CRB1: variants seen among roughly 807,000 people sequenced by gnomAD.
The protein encoded by CRB1 is crumbs cell polarity complex component 1.
A neutral mutation model predicts 120.0 loss-of-function variants in CRB1; 83 were observed. That is an observed-to-expected ratio of 0.69 (90% CI 0.58 to 0.83). The LOEUF is 0.83. Ranked by LOEUF, CRB1 falls within the 40% of genes least tolerant of loss-of-function variation. CRB1 has a pLI of 0.00. For missense variants in CRB1, 1,699 were observed against 1,687.6 expected, an observed-to-expected ratio of 1.01 and a Z score of -0.12; for synonymous variants, 625 against 612.5, an observed-to-expected ratio of 1.02 and a Z score of -0.30.
At chr1:197,462,606 A>G (rs186729663) in intron 11 of CRB1, among the ~76,000 whole-genome samples, 17 of 152,276 alleles carry the variant, frequency 1.1e-4, no homozygotes, top group Admixed American at 1.0e-3. Flanking sequence ...TTTGAGGGAC[A>G]AGGTATAAAT....
intron 1 of CRB1, among the ~76,000 whole-genome samples, chr1:197,290,018 T>C (rs1392547974): frequency 1.3e-5 from 2 of 151,778 alleles, no homozygotes; most frequent in Admixed American, 6.6e-5. Context: ...CAGTCTATCT[T>C]AAGGGTTGGG....
intron 5 of CRB1, among the ~76,000 whole-genome samples, chr1:197,383,077 G>A (rs1010995814): frequency 1.3e-5 from 2 of 152,068 alleles, no homozygotes; most frequent in African/African-American, 4.8e-5. Context: ...ACTTCTGTTC[G>A]AGAATCACTC....
intron 11 of CRB1, among the ~76,000 whole-genome samples, chr1:197,467,374 A>G (rs1421776246): frequency 6.6e-6 from 1 of 152,050 alleles, no homozygotes; most frequent in Non-Finnish European, 1.5e-5. Flanking sequence ...ATGTCATGAC[A>G]CTTTACCACT....
In CRB1 at chr1:197,305,651, G is replaced by A. The variant is rs1657123284; in HGVS notation, c.71-22771G>A. ...TCTTGGGTTAACCATTACAACACCT[G>A]AATAACTATTTGATATTTGCCGTCA... is the stretch of plus-strand genomic sequence containing the variant. On this transcript the variant is annotated intron_variant, in intron 1 of 11. Coordinates refer to ENST00000367400, the MANE Select transcript of CRB1 (RefSeq NM_201253.3). Among the ~76,000 whole-genome samples, 3 of 151,952 alleles carry A rather than the reference G, an allele frequency of 2.0e-5. No individual in the cohort carries two copies. The South Asian group carries it at 6.2e-4, about 32-fold the overall frequency.
chr1:197,351,378 AAAAAAAAAGGAG>A, intron 4 of CRB1, among the ~76,000 whole-genome samples: 1 of 151,078 alleles, frequency 6.6e-6, no homozygotes, highest in Non-Finnish European at 1.5e-5. Context: ...AAAAAAAAAA[AAAAAAAAAGGAG>A]AAGAAAAGAA....
chr1:197,389,661 A>G lies in CRB1; in HGVS notation c.1172-31339A>G, dbSNP rs181821590. 1.3e-3 allele frequency among the ~76,000 whole-genome samples: 200 copies of G among 152,226 alleles called. 2 individuals carry two copies. The Middle Eastern group carries it at 0.017, about 13-fold the overall frequency. On this transcript the variant is annotated intron_variant, in intron 5 of 11. Coordinates refer to ENST00000367400, the MANE Select transcript of CRB1 (RefSeq NM_201253.3). ...AATGTAGTTAATGCCACAGAACTCT[A>G]TACTTAAAATGATGAAATGTCAATT...
At chr1:197,278,454 G>A (rs1655344439) in intron 1 of CRB1, among the ~76,000 whole-genome samples, 1 of 151,920 alleles carries the variant, frequency 6.6e-6, no homozygotes, top group South Asian at 2.1e-4. Context: ...AACAGATTAA[G>A]ACATTCATTT....
intron 2 of CRB1, among the ~76,000 whole-genome samples, chr1:197,337,139 G>A (rs141645938): frequency 8.2e-4 from 125 of 152,234 alleles, no homozygotes; most frequent in African/African-American, 2.7e-3. Flanking sequence ...CTCATAAATA[G>A]GCTATGTGCC....
the CRB1 span, among the ~76,000 whole-genome samples, chr1:197,218,532 G>A: frequency 2.6e-5 from 4 of 152,256 alleles, no homozygotes; most frequent in Non-Finnish European, 4.4e-5. Context: ...CCCTATTGAT[G>A]ACCTCTATTC....
At chr1:197,428,186 G>A (rs528697789) in intron 7 of CRB1, among the ~76,000 whole-genome samples, 185 bp downstream of exon 7, 1 of 152,242 alleles carries the variant, frequency 6.6e-6, no homozygotes, top group South Asian at 2.1e-4. Context: ...ATAGAAATGA[G>A]GCCTTGATCT....
At chr1:197,350,883 T>C (rs1440547069) in intron 4 of CRB1, among the ~76,000 whole-genome samples, 8 of 152,290 alleles carry the variant, frequency 5.3e-5, no homozygotes, top group Admixed American at 3.9e-4. Context: ...AATCCAGTAA[T>C]GTATATAAAA....
At chr1:197,464,059 T>A (rs1217740026) in intron 11 of CRB1, among the ~76,000 whole-genome samples, 1 of 152,120 alleles carries the variant, frequency 6.6e-6, no homozygotes, top group Admixed American at 6.6e-5. Context: ...AATATTGAGG[T>A]GATTTCTGCT....
At chr1:197,283,123 A>C (rs932958629) in intron 1 of CRB1, among the ~76,000 whole-genome samples, 1 of 151,958 alleles carries the variant, frequency 6.6e-6, no homozygotes, top group South Asian at 2.1e-4. Context: ...AAAAAAAATA[A>C]AAATAAACAC....
chr1:197,421,624 T>C lies in CRB1; in HGVS notation c.1796T>C (p.Leu599Pro). ...EKCIAKAPTPLESDQSICAFQ... is the reference protein window; with the variant it reads ...EKCIAKAPTPPESDQSICAFQ... ...TGCATCGCGAAAGCTCCTACTCCAC[T>C]TGAAAGTGATCAATCAATATGTGCT... The change falls in exon 6 of 12, where the codon CTT (leucine) becomes CCT (proline). Residue 599 changes from leucine (L) to proline (P), a missense_variant. Physicochemically the swap from Leu to Pro is moderately conservative, Grantham distance 98. Coordinates refer to ENST00000367400, the MANE Select transcript of CRB1 (RefSeq NM_201253.3). 6.2e-7 allele frequency: 1 copy of C among 1,614,230 alleles called. No individual in the cohort carries two copies. Among genetic ancestry groups the C allele is most frequent in the Non-Finnish European group, 8.5e-7 (1 of 1,180,032 alleles).
chr1:197,453,296 T>C (rs1415514292), intron 11 of CRB1, among the ~76,000 whole-genome samples: 1 of 26,010 alleles, frequency 3.8e-5, no homozygotes, highest in Non-Finnish European at 2.0e-4. Context: ...ATTAAATTAG[T>C]ATATAAGTAT....
At chr1:197,395,542 T>G (rs188525831) in intron 5 of CRB1, among the ~76,000 whole-genome samples, 46 of 152,164 alleles carry the variant, frequency 3.0e-4, no homozygotes, top group Non-Finnish European at 2.6e-4. Flanking sequence ...AGTTAGGTGG[T>G]GATTCAACAT....
At chr1:197,243,628 G>A in the CRB1 span, among the ~76,000 whole-genome samples, 1 of 152,092 alleles carries the variant, frequency 6.6e-6, no homozygotes, top group Admixed American at 6.6e-5. Context: ...GTGATATGGT[G>A]GTGGGAAAAA....
At chr1:197,402,701 T>C (rs544755542) in intron 5 of CRB1, among the ~76,000 whole-genome samples, 30 of 152,310 alleles carry the variant, frequency 2.0e-4, no homozygotes, top group African/African-American at 6.7e-4. Flanking sequence ...TGTTCTCTTA[T>C]CACAGATGCA....
chr1:197,304,214 T>C (rs1023836270), intron 1 of CRB1, among the ~76,000 whole-genome samples: 1 of 152,198 alleles, frequency 6.6e-6, no homozygotes, highest in Non-Finnish European at 1.5e-5. Context: ...TCATAGCACA[T>C]CTCTCAAAAA....
Sources: gnomAD v4.1 joint callset for allele counts (sites outside exome capture counted in the v4.1 genomes callset) on GRCh38, gnomAD v4.1.1 for gene constraint, MANE v1.5 for transcripts, NCBI Gene and HGNC (gene_info 2026-07-23, HGNC 2026-07-21) for gene names.